The following KIAA1671 variants were observed in gnomAD, a reference collection of about 807,000 sequenced individuals.
KIAA1671 encodes the protein KIAA1671.
Under a neutral mutation model 131.2 loss-of-function variants are expected in KIAA1671, and 52 were observed. The observed-to-expected ratio is 0.40, with a 90% confidence interval of 0.32 to 0.50. The LOEUF is 0.50. KIAA1671 is among the 20% of genes least tolerant of loss of function. KIAA1671 has a pLI of 0.73. For synonymous variants in KIAA1671, 1,003 were observed against 961.6 expected, an observed-to-expected ratio of 1.04 and a Z score of -0.80; for missense variants, 2,360 against 2,364.2, an observed-to-expected ratio of 1.00 and a Z score of 0.04.
intron 1 of KIAA1671, among the ~76,000 whole-genome samples, chr22:24,973,285 C>T (rs1457621957): frequency 2.0e-5 from 3 of 151,558 alleles, no homozygotes; most frequent in African/African-American, 7.3e-5. Flanking sequence ...TACATCTGTG[C>T]AGGTGGGGAG....
rs1015530649 is a variant in KIAA1671 at position 25,040,621 on chromosome 22, C to T, written c.3491C>T (p.Pro1164Leu). ...AGCGGCGGAGCTCCCCAAACCACCC[C>T]GACTCTGAGGAGTCGTCCAAAAGAT... ...SPSGGAPQTT[P>L]TLRSRPKDLP... The change falls in exon 5 of 13, where the codon CCG (proline) becomes CTG (leucine). Residue 1164 changes from proline to leucine, a missense_variant. Pro to Leu is a moderately conservative substitution (Grantham distance 98, BLOSUM62 -3). This residue lies in a region of KIAA1671 where 1,161 missense variants were observed against 1,204.7 expected (regional missense o/e 0.96). Coordinates refer to ENST00000358431, the MANE Select transcript of KIAA1671 (RefSeq NM_001145206.2). The T allele has an allele frequency of 2.9e-5, 45 of 1,551,810 alleles. 1 individual carries two copies. Among genetic ancestry groups the T allele is most frequent in the African/African-American group, 2.7e-4 (20 of 73,160 alleles).
intron 1 of KIAA1671, among the ~76,000 whole-genome samples, chr22:24,990,808 T>G (rs1242342252): frequency 6.6e-6 from 1 of 152,040 alleles, no homozygotes; most frequent in Admixed American, 6.5e-5. Context: ...CCTCCTCATT[T>G]GTAGGAAGGG....
At chr22:24,987,748 A>G (rs938524334) in intron 1 of KIAA1671, among the ~76,000 whole-genome samples, 2 of 152,160 alleles carry the variant, frequency 1.3e-5, no homozygotes, top group African/African-American at 2.4e-5. Flanking sequence ...TGCACCACCA[A>G]TCCTGGCTAA....
At chr22:24,984,353 G>C (rs1228409905) in intron 1 of KIAA1671, among the ~76,000 whole-genome samples, 2 of 152,220 alleles carry the variant, frequency 1.3e-5, no homozygotes, top group East Asian at 3.8e-4. Flanking sequence ...CTAGGGGAAA[G>C]AAAGCTCAAG....
At chr22:25,145,261 G>T (rs1276412212) in intron 6 of KIAA1671, among the ~76,000 whole-genome samples, 1 of 152,208 alleles carries the variant, frequency 6.6e-6, no homozygotes, top group Admixed American at 6.5e-5. Flanking sequence ...CCCCAGTGGG[G>T]GTGGGTTGAG....
chr22:24,968,706 T>G (rs1922436917), intron 1 of KIAA1671, among the ~76,000 whole-genome samples: 1 of 150,906 alleles, frequency 6.6e-6, no homozygotes, highest in Admixed American at 6.6e-5. Context: ...ACTGAGACAT[T>G]CCCAGACTTT....
intron 6 of KIAA1671, chr22:25,053,356 A>G (rs968383751): frequency 1.3e-5 from 2 of 152,166 alleles, no homozygotes; most frequent in South Asian, 2.1e-4. Flanking sequence ...TTTGGTCTGC[A>G]TTTTCACAGG....
chr22:25,127,447 G>T (rs1310176171), intron 6 of KIAA1671, among the ~76,000 whole-genome samples: 6 of 152,170 alleles, frequency 3.9e-5, no homozygotes, highest in African/African-American at 1.2e-4. Context: ...GTTGTTAGAA[G>T]GGAGTGAGGT....
intron 6 of KIAA1671, among the ~76,000 whole-genome samples, chr22:25,161,116 T>C (rs1933428551): frequency 6.6e-6 from 1 of 151,892 alleles, no homozygotes; most frequent in South Asian, 2.1e-4. Context: ...GTTTCTCCCT[T>C]CCTAACTTTC....
intron 6 of KIAA1671, chr22:25,052,360 AC>A (rs1209230209): frequency 3.3e-5 from 5 of 152,022 alleles, no homozygotes; most frequent in Non-Finnish European, 7.4e-5. Context: ...TGAACTACAG[AC>A]CCTGCCACTT....
At chr22:25,140,343 G>A (rs1355026399) in intron 6 of KIAA1671, among the ~76,000 whole-genome samples, 2 of 152,124 alleles carry the variant, frequency 1.3e-5, no homozygotes, top group Non-Finnish European at 2.9e-5. Flanking sequence ...TCTCTAGAGT[G>A]AGCCTGCTAG....
At chr22:25,121,783 G>C (rs1298767264) in intron 6 of KIAA1671, among the ~76,000 whole-genome samples, 2 of 152,214 alleles carry the variant, frequency 1.3e-5, no homozygotes, top group Non-Finnish European at 2.9e-5. Flanking sequence ...ATGTAGCAAA[G>C]TAATTAGGAA....
chr22:25,026,264 G>A (rs1925937919), intron 2 of KIAA1671, among the ~76,000 whole-genome samples: 1 of 152,156 alleles, frequency 6.6e-6, no homozygotes, highest in Admixed American at 6.5e-5. Context: ...AAGTGGAGAG[G>A]CTTGTGTTTA....
intron 5 of KIAA1671, among the ~76,000 whole-genome samples, chr22:25,046,954 T>C (rs1248202544): frequency 6.8e-6 from 1 of 148,028 alleles, no homozygotes; most frequent in Non-Finnish European, 1.5e-5. Context: ...CTGTTTTTCA[T>C]ATAATGTGTC....
rs762031382 is a variant in KIAA1671, at chr22:25,036,184, G to T, written c.1630-2576G>T. ...CAACCTCTGCCTCCTGGGTTCAAGC[G>T]ATTCTCCTGCCTCAGCCTCCTGAGT... On this transcript the variant is annotated intron_variant, in intron 4 of 12. Transcript: ENST00000358431. Among the ~76,000 whole-genome samples, 638 of 152,184 alleles carry T rather than the reference G, an allele frequency of 4.2e-3. 2 individuals are homozygous for T. Among genetic ancestry groups the T allele is most frequent in the Non-Finnish European group, 7.1e-3 (486 of 68,014 alleles).
intron 4 of KIAA1671, among the ~76,000 whole-genome samples, chr22:25,034,348 G>A (rs973694806): frequency 6.6e-6 from 1 of 151,978 alleles, no homozygotes; most frequent in African/African-American, 2.4e-5. Context: ...ACCCGGCCAC[G>A]ACGTTGTAAT....
At position 25,115,842 on chromosome 22, in the gene KIAA1671, T is replaced by C. The variant is rs148298478; in HGVS notation, c.4531-54978T>C. On this transcript the variant is annotated intron_variant, in intron 6 of 12. Coordinates refer to ENST00000358431, the MANE Select transcript of KIAA1671 (RefSeq NM_001145206.2). ...CCCAGGCTGGAGTGCAGTGGCACAG[T>C]CTCGGCTCACTGCAACCTCCACCTC... is the stretch of plus-strand genomic sequence containing the variant. Among the ~76,000 whole-genome samples the C allele has an allele frequency of 6.4e-3, 977 of 152,302 alleles. 6 individuals carry two copies. The highest frequency in any genetic ancestry group is 1.0e-2 in the Non-Finnish European group (680 of 68,030).
chr22:24,978,996 T>A (rs1019531765), intron 1 of KIAA1671, among the ~76,000 whole-genome samples: 2 of 144,368 alleles, frequency 1.4e-5, no homozygotes, highest in Non-Finnish European at 3.0e-5. Flanking sequence ...ATCATCTTAA[T>A]CATTTTTTTT....
At chr22:25,070,234 G>A (rs185729044) in intron 6 of KIAA1671, 101 of 399,876 alleles carry the variant, frequency 2.5e-4, no homozygotes, top group African/African-American at 2.0e-3. Context: ...TCCCCTGGCC[G>A]TGAGCCGGCT....
Sources: allele counts gnomAD v4.1 joint callset (sites outside exome capture counted in the v4.1 genomes callset), GRCh38; gene constraint gnomAD v4.1.1; regional missense constraint gnomAD v4.1.1; transcripts MANE v1.5; gene names NCBI Gene and HGNC (gene_info 2026-07-23, HGNC 2026-07-21).